GPC2: variants seen among roughly 807,000 people sequenced by gnomAD.
GPC2 encodes glypican 2, also known as glypican-2.
Under a neutral mutation model 57.3 loss-of-function variants are expected in GPC2, and 42 were observed. The ratio of observed to expected loss-of-function variants is 0.73; its 90% confidence interval spans 0.57 to 0.95. The LOEUF (loss-of-function observed/expected upper bound fraction) is 0.95. Ranked by LOEUF, GPC2 falls within the 40% of genes least tolerant of loss-of-function variation. GPC2 has a pLI of 0.00. For synonymous variants in GPC2, 364 were observed against 343.4 expected, an observed-to-expected ratio of 1.06 and a Z score of -0.66; for missense variants, 745 against 793.6, an observed-to-expected ratio of 0.94 and a Z score of 0.74.
intron 2 of GPC2, 76 bp downstream of exon 2, chr7:100,176,130 TG>T: frequency 7.3e-7 from 1 of 1,370,566 alleles, no homozygotes; most frequent in Non-Finnish European, 1.0e-6. Flanking sequence ...GAGTAAGGAG[TG>T]GGGACAGGAG....
chr7:100,171,718 C>A lies in GPC2; in HGVS notation c.1171-40G>T. ...GGGGGCGGGGCGAGCTGGAGCGCGA[C>A]CCCCACAACCATCCCCGGCCCCGGG... On this transcript the variant is annotated intron_variant, in intron 7 of 9. Transcript: ENST00000292377. The surrounding 1 kb of genome is among the most constrained non-coding windows in gnomAD (Gnocchi z 4.8). 6.8e-7 allele frequency: 1 copy of A among 1,480,158 alleles called. No homozygotes were observed. The highest frequency in any genetic ancestry group is 1.3e-5 in the South Asian group (1 of 76,690). 91.7% of individuals were successfully genotyped at this position (1,480,158 alleles called of 1,614,324 possible).
rs1454198259 is a variant in GPC2 at position 100,175,826 on chromosome 7, G to A, written c.394C>T (p.Arg132Cys). The change falls in exon 3 of 10, where the codon CGC becomes TGC. Residue 132 changes from arginine (R) to cysteine (C), a missense_variant. By Grantham distance (180) the Arg-to-Cys change is radical. Coordinates refer to ENST00000292377, the MANE Select transcript of GPC2 (RefSeq NM_152742.3). ...LTQLFSHSYG[R>C]LYAQHALIFN... ...ATGAGGGCGTGCTGGGCATACAGGC[G>A]GCCGTAGGAGTGGGAGAAGAGCTGG... is the stretch of plus-strand genomic sequence containing the variant. 1.2e-5 allele frequency: 19 copies of A among 1,613,968 alleles called. No individual in the cohort carries two copies. The highest frequency in any genetic ancestry group is 1.5e-5 in the Non-Finnish European group (18 of 1,179,990).
rs570465509 is a variant in GPC2 at position 100,173,558 on chromosome 7, G to A, written c.892+277C>T. Reference sequence around the variant, plus strand: ...CTCAGGAGTAACTGGGACTACAGGCGCGGGCGCTACCATGCCTGGCTGATT... The same window carrying A: ...CTCAGGAGTAACTGGGACTACAGGCACGGGCGCTACCATGCCTGGCTGATT... On this transcript the variant is annotated intron_variant, in intron 5 of 9. Transcript: ENST00000292377. The A allele has an allele frequency of 9.1e-4, 209 of 229,264 alleles. 1 individual carries two copies. The highest frequency in any genetic ancestry group is 5.0e-4 in the East Asian group (6 of 11,882). 14.2% of individuals were successfully genotyped at this position (229,264 alleles called of 1,614,324 possible).
At chr7:100,172,737 A>G (rs1799204739) in intron 5 of GPC2, among the ~76,000 whole-genome samples, 1 of 141,664 alleles carries the variant, frequency 7.1e-6, no homozygotes, top group African/African-American at 2.6e-5. Flanking sequence ...ATATATGTGT[A>G]TATATATGTG....
chr7:100,171,094 C>T lies in GPC2; in HGVS notation c.1486+167G>A, dbSNP rs1799168127. On this transcript the variant is annotated intron_variant, in intron 9 of 9. Transcript: ENST00000292377. This position sits in a 1 kb window ranked among gnomAD's most constrained non-coding sequence, Gnocchi z 4.8. The stretch of plus-strand genomic sequence containing the variant: ...AAAGGATACAGACCCCCTCATTGAT[C>T]TGTTACCCCCAGTCTTTCAGGGCAA... 1 of 592,630 alleles carries T rather than the reference C, an allele frequency of 1.7e-6. No homozygotes were observed. The highest frequency in any genetic ancestry group is 3.9e-5 in the Admixed American group (1 of 25,852). 36.7% of individuals were successfully genotyped at this position (592,630 alleles called of 1,614,324 possible).
Position 100,170,164 on chromosome 7 carries a change from C to G in GPC2, c.*66G>C. On this transcript the variant is annotated 3_prime_UTR_variant, in exon 10 of 10. Coordinates refer to ENST00000292377, the MANE Select transcript of GPC2 (RefSeq NM_152742.3). ...CAGCCCCCTTCGACTCCTCCCCAGG[C>G]CCAGCTGAGGGGGGAGGAGGGGAAA... 2 of 1,468,658 alleles carry G rather than the reference C, an allele frequency of 1.4e-6. No individual in the cohort carries two copies. The allele number at this position is 1,468,658 out of a possible 1,614,324, so 91.0% of individuals were successfully genotyped here.
intron 5 of GPC2, 23 bp downstream of exon 5, chr7:100,173,812 C>T: frequency 5.3e-6 from 8 of 1,506,868 alleles, no homozygotes; most frequent in Non-Finnish European, 6.2e-6. Context: ...TGCCTGGCTC[C>T]AGGCTTTCTT....
At chr7:100,170,555 T>G in intron 9 of GPC2, 72 bp from the exon 10 acceptor site, 1 of 1,339,842 alleles carries the variant, frequency 7.5e-7, no homozygotes. Flanking sequence ...GAAAAGAAAT[T>G]GAGATAAAAA....
Position 100,175,757 on chromosome 7 carries a change from A to G in GPC2, c.463T>C (p.Ser155Pro), listed in dbSNP as rs1386657946. 6.2e-7 allele frequency: 1 copy of G among 1,613,986 alleles called. No individual in the cohort carries two copies. Among genetic ancestry groups the G allele is most frequent in the Admixed American group, 1.7e-5 (1 of 59,984 alleles). Residue 155 changes from serine to proline, a missense_variant, in exon 3 of 10, where the codon TCT becomes CCT. Ser to Pro is a moderately conservative substitution (Grantham distance 74, BLOSUM62 -1). Around this residue, in one of 2 missense-constraint regions of GPC2, gnomAD observed 607 missense variants for 603.9 expected, o/e 1.01. Transcript: ENST00000292377. ...AGGGTGTCATCCAACCCCTCACCAGATTCCCCATAGAAGTCTCGCAGCCGA... is the reference window on the plus strand; with the variant it reads ...AGGGTGTCATCCAACCCCTCACCAGGTTCCCCATAGAAGTCTCGCAGCCGA... Reference protein sequence around the residue: ...FSRLRDFYGESGEGLDDTLAD... With the variant: ...FSRLRDFYGEPGEGLDDTLAD...
chr7:100,173,676 C>T (rs1293739532), intron 5 of GPC2, 159 bp downstream of exon 5: 6 of 449,150 alleles, frequency 1.3e-5, no homozygotes, highest in Non-Finnish European at 2.3e-5. Context: ...CTTTCTTTCT[C>T]TCTCTCTCTT....
At chr7:100,173,110 G>A (rs1213694712) in intron 5 of GPC2, among the ~76,000 whole-genome samples, 2 of 152,000 alleles carry the variant, frequency 1.3e-5, no homozygotes, top group Non-Finnish European at 2.9e-5. Context: ...CTGACCTCTT[G>A]ATCCACCCAC....
Position 100,171,764 on chromosome 7 carries a change from G to T in GPC2, c.1170+15C>A. 1 of 1,488,154 alleles carries T rather than the reference G, an allele frequency of 6.7e-7. No homozygotes were observed. Among genetic ancestry groups the T allele is most frequent in the African/African-American group, 1.5e-5 (1 of 66,626 alleles). 92.2% of individuals were successfully genotyped at this position (1,488,154 alleles called of 1,614,324 possible). On this transcript the variant is annotated intron_variant, in intron 7 of 9. Transcript: ENST00000292377. This position sits in a 1 kb window ranked among gnomAD's most constrained non-coding sequence, Gnocchi z 4.8. The stretch of plus-strand genomic sequence containing the variant: ...CCGGGCCCCCCCGCCCCCAACTCTT[G>T]GTCATCCCACGCACCAGCCGGTGCA...
chr7:100,176,448 C>T (rs1461641180), intron 1 of GPC2, 83 bp from the exon 2 acceptor site: 14 of 1,292,150 alleles, frequency 1.1e-5, no homozygotes, highest in African/African-American at 1.5e-5. Context: ...GGGGACTATG[C>T]CTTCTCTTCT....
intron 1 of GPC2, among the ~76,000 whole-genome samples, chr7:100,176,776 G>A (rs1270921514): frequency 2.0e-5 from 3 of 152,298 alleles, no homozygotes; most frequent in Non-Finnish European, 2.9e-5. Flanking sequence ...GAACATGGCT[G>A]TGAAGAAAGA....
rs555231502 is a variant in GPC2 at position 100,177,303 on chromosome 7, G to A, written c.-104C>T. On this transcript the variant is annotated 5_prime_UTR_variant, in exon 1 of 10. Transcript: ENST00000292377. ...GGCCGCGGGACCGCTCCGCGGGCCA[G>A]AGAAAGAGCGCTGCTCCGGAAAACT... 1.1e-5 allele frequency: 11 copies of A among 995,240 alleles called. No individual in the cohort carries two copies. Among genetic ancestry groups the A allele is most frequent in the Middle Eastern group, 3.3e-4 (1 of 3,004 alleles). The allele number at this position is 995,240 out of a possible 1,614,324, so 61.7% of individuals were successfully genotyped here.
chr7:100,176,985 C>A, intron 1 of GPC2, 49 bp downstream of exon 1: 1 of 432,530 alleles, frequency 2.3e-6, no homozygotes, highest in South Asian at 2.6e-5. Context: ...GAGGAGGCCC[C>A]GCCCCCGCCC....
chr7:100,172,526 C>T (rs558600396), intron 5 of GPC2, among the ~76,000 whole-genome samples: 3 of 149,306 alleles, frequency 2.0e-5, no homozygotes, highest in Admixed American at 6.7e-5. Context: ...AGTGCAGTGG[C>T]GCGATCTCGG....
At position 100,175,651 on chromosome 7, in the gene GPC2, A is replaced by T; in HGVS notation, c.569T>A (p.Leu190His). 6.2e-7 allele frequency: 1 copy of T among 1,614,146 alleles called. No homozygotes were observed. Among genetic ancestry groups the T allele is most frequent in the Non-Finnish European group, 8.5e-7 (1 of 1,180,010 alleles). Residue 190 changes from leucine (L) to histidine (H), a missense_variant, in exon 3 of 10, where the codon CTC becomes CAC. Leu to His is a moderately conservative substitution (Grantham distance 99, BLOSUM62 -3). Around this residue, in one of 2 missense-constraint regions of GPC2, gnomAD observed 607 missense variants for 603.9 expected, o/e 1.01. Coordinates refer to ENST00000292377, the MANE Select transcript of GPC2 (RefSeq NM_152742.3). ...PQYSFPPDYL[L>H]CLSRLASSTD... The stretch of plus-strand genomic sequence containing the variant: ...AGATGAGGCCAAGCGTGAGAGGCAG[A>T]GCAGGTAGTCAGGGGGGAAGCTGTA...
Position 100,177,275 on chromosome 7 carries a change from C to A in GPC2, c.-76G>T. The A allele has an allele frequency of 7.4e-7, 1 of 1,356,824 alleles. No individual in the cohort carries two copies. The highest frequency in any genetic ancestry group is 1.0e-6 in the Non-Finnish European group (1 of 1,003,392). The allele number at this position is 1,356,824 out of a possible 1,614,324, so 84.0% of individuals were successfully genotyped here. A position where few individuals can be genotyped will look rare whatever the true frequency, so the allele number is the denominator to read the frequency against. On this transcript the variant is annotated 5_prime_UTR_variant, in exon 1 of 10. Transcript: ENST00000292377. ...GCCTCCCAAACTCGGGAATCCGGTA[C>A]TCGGCCGCGGGACCGCTCCGCGGGC...
Sources: gnomAD v4.1 joint callset for allele counts (sites outside exome capture counted in the v4.1 genomes callset) on GRCh38, gnomAD v4.1.1 for gene constraint, gnomAD v4.1.1 regional missense constraint, Gnocchi (gnomAD v3.1) non-coding constraint, MANE v1.5 for transcripts, NCBI Gene and HGNC (gene_info 2026-07-23, HGNC 2026-07-21) for gene names.